The following PHETA1 variants were observed in gnomAD, a reference collection of about 807,000 sequenced individuals.
PHETA1 encodes sesquipedalian-1.
For synonymous variants in PHETA1, 155 were observed against 168.9 expected, an observed-to-expected ratio of 0.92 and a Z score of 0.64; for missense variants, 348 against 373.5, an observed-to-expected ratio of 0.93 and a Z score of 0.56.
chr12:111,364,745 C>G (rs2135507270), intron 2 of PHETA1, among the ~76,000 whole-genome samples: 2 of 147,028 alleles, frequency 1.4e-5, no homozygotes. Flanking sequence ...GCCTGGGCGA[C>G]AGAGCAAGAC....
At position 111,363,160 on chromosome 12, in the gene PHETA1, T is replaced by G; in HGVS notation, c.268A>C (p.Thr90Pro). The change falls in exon 3 of 3, where the codon ACC (threonine) becomes CCC (proline). Residue 90 changes from threonine (T) to proline (P), a missense_variant. Physicochemically the swap from Thr to Pro is conservative, Grantham distance 38. Transcript: ENST00000683047. The surrounding 1 kb of genome is among the most constrained non-coding windows in gnomAD (Gnocchi z 7.4). ...AVRFAGTRAR[T>P]YVLAAESQDA... is the part of the protein sequence containing the mutation. Reference sequence around the variant, plus strand: ...TGACTCTCAGCGGCCAGCACGTAGGTGCGCGCCCGGGTCCCCGCAAAGCGC... The same window carrying G: ...TGACTCTCAGCGGCCAGCACGTAGGGGCGCGCCCGGGTCCCCGCAAAGCGC... 1.2e-6 allele frequency: 2 copies of G among 1,611,520 alleles called. No individual in the cohort carries two copies. The highest frequency in any genetic ancestry group is 1.7e-4 in the Middle Eastern group (1 of 6,058).
rs1220473945 is a variant in PHETA1, at chr12:111,362,706, TGGCCACG to T, written c.715_721del (p.Arg239SerfsTer62). 3 of 1,548,558 alleles carry T rather than the reference TGGCCACG, an allele frequency of 1.9e-6. No individual in the cohort carries two copies. The East Asian group carries it at 7.3e-5, about 38-fold the overall frequency. ...GGGCTGGACCCGGCTGCTGAGCCAC[TGGCCACG>T]CAGGGCCCGGATCTCCTGGCCATAG... On this transcript the variant is annotated frameshift_variant, in exon 3 of 3. Transcript: ENST00000683047. LOFTEE classifies it high-confidence loss of function.
intron 2 of PHETA1, among the ~76,000 whole-genome samples, chr12:111,365,036 C>G (rs1868944402): frequency 6.6e-6 from 1 of 152,206 alleles, no homozygotes; most frequent in African/African-American, 2.4e-5. Context: ...GACTCTAACT[C>G]CATGCCATCG....
chr12:111,362,044 CCAGGA>C lies in PHETA1; in HGVS notation c.*629_*633del, dbSNP rs776308275. 3.1e-5 allele frequency: 14 copies of C among 455,136 alleles called. No individual in the cohort carries two copies. The highest frequency in any genetic ancestry group is 6.2e-5 in the Non-Finnish European group (14 of 226,680). 28.2% of individuals were successfully genotyped at this position (455,136 alleles called of 1,614,324 possible). On this transcript the variant is annotated 3_prime_UTR_variant, in exon 3 of 3. Transcript: ENST00000683047. ...AGAGTCCTGCCTCAGCCAGCCCAGG[CCAGGA>C]GCCCCGAGGACCAGGCCACCTCACC... is the stretch of plus-strand genomic sequence containing the variant.
rs1191487877 is a variant in PHETA1 at position 111,362,200 on chromosome 12, C to T, written c.*478G>A. On this transcript the variant is annotated 3_prime_UTR_variant, in exon 3 of 3. Transcript: ENST00000683047. Reference sequence around the variant, plus strand: ...TCCTCTGGCAGGTCCCGGAGCAAGGCCAGGCCCAGGTGTGGCTGCCATGAC... The same window carrying T: ...TCCTCTGGCAGGTCCCGGAGCAAGGTCAGGCCCAGGTGTGGCTGCCATGAC... 2.7e-6 allele frequency: 1 copy of T among 364,046 alleles called. No homozygotes were observed. The highest frequency in any genetic ancestry group is 5.4e-6 in the Non-Finnish European group (1 of 185,210). 22.6% of individuals were successfully genotyped at this position (364,046 alleles called of 1,614,324 possible). A position where few individuals can be genotyped will look rare whatever the true frequency, so the allele number is the denominator to read the frequency against.
Position 111,362,597 on chromosome 12 carries a change from G to C in PHETA1, c.*81C>G. The C allele has an allele frequency of 6.5e-7, 1 of 1,543,124 alleles. No homozygotes were observed. The highest frequency in any genetic ancestry group is 8.7e-7 in the Non-Finnish European group (1 of 1,146,640). ...TTGCCCATGATTTCCCTCAGGATCT[G>C]CTCCCCCAGTCTCTCCAGGACCCGG... On this transcript the variant is annotated 3_prime_UTR_variant, in exon 3 of 3. Transcript: ENST00000683047.
rs1236870204 is a variant in PHETA1, at chr12:111,367,652, CTAGA to C, written c.-182+1256_-182+1259del. Among the ~76,000 whole-genome samples, 4 of 152,254 alleles carry C rather than the reference CTAGA, an allele frequency of 2.6e-5. No homozygotes were observed. The highest frequency in any genetic ancestry group is 5.9e-5 in the Non-Finnish European group (4 of 68,042). On this transcript the variant is annotated intron_variant, in intron 1 of 2. Transcript: ENST00000683047. The surrounding 1 kb of genome is among the most constrained non-coding windows in gnomAD (Gnocchi z 4.0). The stretch of plus-strand genomic sequence containing the variant: ...TCAGCAACCCTCCTCCCCCGACTGC[CTAGA>C]TAGAGGCCAAACTGGTTCAAGGTCA...
rs997018903 is a variant in PHETA1 at position 111,368,008 on chromosome 12, G to A, written c.-182+904C>T. Among the ~76,000 whole-genome samples the A allele has an allele frequency of 2.6e-5, 4 of 152,204 alleles. No homozygotes were observed. The highest frequency in any genetic ancestry group is 4.4e-5 in the Non-Finnish European group (3 of 68,042). ...TCTCAGTGTCCTCATCTGTTAAATT[G>A]GGCTGTGTGGCGAGGGTTCATGAGC... On this transcript the variant is annotated intron_variant, in intron 1 of 2. Transcript: ENST00000683047. This position sits in a 1 kb window ranked among gnomAD's most constrained non-coding sequence, Gnocchi z 5.0.
intron 2 of PHETA1, among the ~76,000 whole-genome samples, chr12:111,364,471 G>T (rs145406238): frequency 0.013 from 2,001 of 152,232 alleles, 28 homozygotes; most frequent in South Asian, 0.024. Context: ...ATGTTCTATG[G>T]AAAATAGTAA....
In PHETA1 at chr12:111,361,454, C is replaced by T. The variant is rs61944367; in HGVS notation, c.*1224G>A. The stretch of plus-strand genomic sequence containing the variant: ...AAAATCAAGGTCAGGGTGGAGGTGT[C>T]CTCAGGGGGCCACCGGTGTGGGGCA... On this transcript the variant is annotated 3_prime_UTR_variant, in exon 3 of 3. Coordinates refer to ENST00000683047, the MANE Select transcript of PHETA1 (RefSeq NM_144671.6). 2,020 of 168,156 alleles carry T rather than the reference C, an allele frequency of 0.012. 57 individuals carry two copies. Among genetic ancestry groups the T allele is most frequent in the Non-Finnish European group, 0.01 (801 of 77,032 alleles). 10.4% of individuals were successfully genotyped at this position (168,156 alleles called of 1,614,324 possible).
rs536649229 is a variant in PHETA1, at chr12:111,367,808, C to G, written c.-182+1104G>C. Among the ~76,000 whole-genome samples, 136 of 152,346 alleles carry G rather than the reference C, an allele frequency of 8.9e-4. No individual in the cohort carries two copies. The highest frequency in any genetic ancestry group is 1.8e-3 in the Non-Finnish European group (125 of 68,020). On this transcript the variant is annotated intron_variant, in intron 1 of 2. Coordinates refer to ENST00000683047, the MANE Select transcript of PHETA1 (RefSeq NM_144671.6). The surrounding 1 kb of genome is among the most constrained non-coding windows in gnomAD (Gnocchi z 4.0). ...AAGGCCTGGCCCCTGCCTTATCTCC[C>G]CACACTGTTTTCCAAGAAGTTCAGA... is the stretch of plus-strand genomic sequence containing the variant.
In PHETA1 at chr12:111,363,081, A is replaced by G; in HGVS notation, c.347T>C (p.Leu116Pro). Residue 116 changes from leucine to proline, a missense_variant, in exon 3 of 3, where the codon CTG becomes CCG. Physicochemically the swap from Leu to Pro is moderately conservative, Grantham distance 98. Transcript: ENST00000683047. This position sits in a 1 kb window ranked among gnomAD's most constrained non-coding sequence, Gnocchi z 7.4. ...CTCCAGCTCGCGCACCACCAGCCGCAGGTAGTCGAAGCTGGCACGCGACAG... is the reference window on the plus strand; with the variant it reads ...CTCCAGCTCGCGCACCACCAGCCGCGGGTAGTCGAAGCTGGCACGCGACAG... ...KALSRASFDY[L>P]RLVVRELEQQ... 1 of 1,586,632 alleles carries G rather than the reference A, an allele frequency of 6.3e-7. No homozygotes were observed. Among genetic ancestry groups the G allele is most frequent in the Non-Finnish European group, 8.6e-7 (1 of 1,169,438 alleles).
At position 111,365,443 on chromosome 12, in the gene PHETA1, T is replaced by C. The variant is rs544047130; in HGVS notation, c.-37+670A>G. 2.3e-4 allele frequency: 105 copies of C among 454,982 alleles called. 1 individual carries two copies. Among genetic ancestry groups the C allele is most frequent in the South Asian group, 1.6e-3 (105 of 64,228 alleles). 28.2% of individuals were successfully genotyped at this position (454,982 alleles called of 1,614,324 possible). The stretch of plus-strand genomic sequence containing the variant: ...TCCTTGCCACCTCCTGTCAGCCACA[T>C]AGGCAGTCAGGGAAGGCTTCCTAGA... On this transcript the variant is annotated intron_variant, in intron 2 of 2. Coordinates refer to ENST00000683047, the MANE Select transcript of PHETA1 (RefSeq NM_144671.6).
chr12:111,364,311 C>A (rs370254225), intron 2 of PHETA1, among the ~76,000 whole-genome samples: 84 of 150,160 alleles, frequency 5.6e-4, no homozygotes, highest in Non-Finnish European at 1.0e-3. Context: ...TATGCCATTG[C>A]ACTCCAGCCC....
intron 2 of PHETA1, among the ~76,000 whole-genome samples, chr12:111,364,278 C>T (rs1022529412): frequency 2.0e-5 from 3 of 149,756 alleles, no homozygotes; most frequent in Admixed American, 6.7e-5. Context: ...ACCCAGGAGG[C>T]GGAGGTTGCA....
In PHETA1 at chr12:111,360,737, C is replaced by T. The variant is rs1245767306; in HGVS notation, c.*1941G>A. 6.6e-6 allele frequency: 1 copy of T among 152,660 alleles called. No individual in the cohort carries two copies. The highest frequency in any genetic ancestry group is 6.5e-5 in the Admixed American group (1 of 15,288). The allele number at this position is 152,660 out of a possible 1,614,324, so 9.5% of individuals were successfully genotyped here. On this transcript the variant is annotated 3_prime_UTR_variant, in exon 3 of 3. Transcript: ENST00000683047. ...CTCCCTGCCAGGCTGCCGGACAGCTCCCCCGACACCCAACCCAGGAGGCAG... is the reference window on the plus strand; with the variant it reads ...CTCCCTGCCAGGCTGCCGGACAGCTTCCCCGACACCCAACCCAGGAGGCAG...
rs1593002531 is a variant in PHETA1, at chr12:111,361,636, T to G, written c.*1042A>C. The G allele has an allele frequency of 1.7e-5, 5 of 293,898 alleles. No homozygotes were observed. Among genetic ancestry groups the G allele is most frequent in the East Asian group, 9.2e-5 (1 of 10,880 alleles). The allele number at this position is 293,898 out of a possible 1,614,324, so 18.2% of individuals were successfully genotyped here. On this transcript the variant is annotated 3_prime_UTR_variant, in exon 3 of 3. Coordinates refer to ENST00000683047, the MANE Select transcript of PHETA1 (RefSeq NM_144671.6). ...CTGGTCCCCACCAGGAGTATGGGGG[T>G]GGGGGCTGAGCTCAGGAGGGGACAT... is the stretch of plus-strand genomic sequence containing the variant.
At position 111,361,798 on chromosome 12, in the gene PHETA1, C is replaced by A. The variant is rs1335107100; in HGVS notation, c.*880G>T. On this transcript the variant is annotated 3_prime_UTR_variant, in exon 3 of 3. Transcript: ENST00000683047. ...TGGTGGCCTCCCCTCCCTGGGGGAA[C>A]CTGCTAGAAGGTCACCTCGGGCCAT... The A allele has an allele frequency of 2.3e-6, 1 of 425,780 alleles. No homozygotes were observed. The highest frequency in any genetic ancestry group is 2.0e-5 in the African/African-American group (1 of 48,846). The allele number at this position is 425,780 out of a possible 1,614,324, so 26.4% of individuals were successfully genotyped here.
At chr12:111,366,777 A>C (rs1869058631) in intron 1 of PHETA1, among the ~76,000 whole-genome samples, 1 of 151,968 alleles carries the variant, frequency 6.6e-6, no homozygotes, top group African/African-American at 2.4e-5. Flanking sequence ...TCTCAGCATA[A>C]AATTAAATCC....
Sources: gnomAD v4.1 joint callset for allele counts (sites outside exome capture counted in the v4.1 genomes callset) on GRCh38, gnomAD v4.1.1 for gene constraint, Gnocchi (gnomAD v3.1) non-coding constraint, MANE v1.5 for transcripts, NCBI Gene and HGNC (gene_info 2026-07-23, HGNC 2026-07-21) for gene names.